ABI3BP: variants seen among roughly 807,000 people sequenced by gnomAD.
The protein encoded by ABI3BP is ABI family member 3 binding protein, also known as target of Nesh-SH3.
ABI3BP carries 216 observed loss-of-function variants against 268.6 expected under a neutral mutation model. The observed-to-expected ratio is 0.80, with a 90% CI of 0.72 to 0.90. The LOEUF (loss-of-function observed/expected upper bound fraction) is 0.90, where lower values mean the gene tolerates loss of function less well. ABI3BP is among the 40% of genes least tolerant of loss of function. ABI3BP has a pLI of 0.00. For synonymous variants in ABI3BP, 730 were observed against 730.0 expected (o/e 1.00, Z 0.00); for missense variants, 2,090 against 2,182.4 (o/e 0.96, Z 0.84).
At chr3:100,928,769 T>A (rs541703825) in intron 1 of ABI3BP, among the ~76,000 whole-genome samples, 10 of 152,092 alleles carry the variant, frequency 6.6e-5, no homozygotes, top group African/African-American at 1.7e-4. Flanking sequence ...ACGTTAAAAG[T>A]GGGTCAAAAC....
Position 100,864,875 on chromosome 3 carries a change from G to T in ABI3BP, c.1021C>A (p.Pro341Thr). Reference protein sequence around the residue: ...TPETVPRSTKPTTSSALDVSE... With the variant: ...TPETVPRSTKTTTSSALDVSE... ...ACATCTAATGCACTAGACGTAGTGGGTTTAGTGCTTCTTGGAACTGTTTCA... is the reference window on the plus strand; with the variant it reads ...ACATCTAATGCACTAGACGTAGTGGTTTTAGTGCTTCTTGGAACTGTTTCA... Residue 341 changes from proline to threonine, a missense_variant, in exon 11 of 68, where the codon CCC becomes ACC. Pro to Thr is a conservative substitution (Grantham distance 38, BLOSUM62 -1). Transcript: ENST00000471714. 2 of 1,608,886 alleles carry T rather than the reference G, an allele frequency of 1.2e-6. No individual in the cohort carries two copies. The highest frequency in any genetic ancestry group is 8.5e-7 in the Non-Finnish European group (1 of 1,178,384).
At chr3:100,986,072 A>G (rs1576451661) in intron 1 of ABI3BP, among the ~76,000 whole-genome samples, 2 of 152,332 alleles carry the variant, frequency 1.3e-5, no homozygotes, top group South Asian at 4.1e-4. Context: ...ATTCAGCTAC[A>G]TAAGGTTGTG....
At chr3:100,892,266 C>A (rs2045070883) in intron 4 of ABI3BP, among the ~76,000 whole-genome samples, 1 of 152,106 alleles carries the variant, frequency 6.6e-6, no homozygotes. Context: ...TCAAGGTATA[C>A]TCCAGATGTG....
rs76340458 is a variant in ABI3BP, at chr3:100,846,434, G to A, written c.1661C>T (p.Thr554Ile). 2.0e-3 allele frequency: 3,260 copies of A among 1,592,228 alleles called. 49 individuals carry two copies. The African/African-American group carries it at 0.038, about 19-fold the overall frequency. Residue 554 changes from threonine to isoleucine, a missense_variant, in exon 20 of 68, where the codon ACA (threonine) becomes ATA (isoleucine). Physicochemically the swap from Thr to Ile is moderately conservative, Grantham distance 89 (BLOSUM62 -1). Coordinates refer to ENST00000471714, the MANE Select transcript of ABI3BP (RefSeq NM_001375547.2). ...TTTAGGTTTCAGAGAAATAAATTGT[G>A]TTTTACCGGGAGCTGGAAAAATAAA... is the stretch of plus-strand genomic sequence containing the variant. ...PTWTTPAPGK[T>I]QFISLKPKIP...
At chr3:100,855,965 A>G (rs547061669) in intron 14 of ABI3BP, among the ~76,000 whole-genome samples, 25 of 152,380 alleles carry the variant, frequency 1.6e-4, no homozygotes, top group Admixed American at 8.5e-4. Flanking sequence ...TAAAATGTTC[A>G]TGAAATAAAA....
At chr3:100,872,849 T>G (rs760733058) in intron 9 of ABI3BP, among the ~76,000 whole-genome samples, 10 of 152,144 alleles carry the variant, frequency 6.6e-5, no homozygotes, top group Non-Finnish European at 1.3e-4. Context: ...GTCACTTGAC[T>G]ATTTTCTGGG....
intron 1 of ABI3BP, among the ~76,000 whole-genome samples, chr3:100,962,450 T>A (rs1364194433): frequency 6.6e-6 from 1 of 152,200 alleles, no homozygotes; most frequent in Non-Finnish European, 1.5e-5. Context: ...ATCTCGCTTA[T>A]CTTAAAAAAC....
intron 12 of ABI3BP, chr3:100,863,150 A>G (rs2099015628): frequency 2.4e-6 from 1 of 424,900 alleles, no homozygotes; most frequent in South Asian, 3.9e-5. Context: ...TTCCACCCTT[A>G]TTAAACCAGT....
intron 37 of ABI3BP, 95 bp downstream of exon 37, chr3:100,823,363 A>G (rs1037695846): frequency 7.2e-6 from 8 of 1,108,138 alleles, no homozygotes; most frequent in Admixed American, 5.5e-5. Context: ...TTGAATGGCC[A>G]TCAAGAATGA....
chr3:100,849,237 T>A (rs1224140662), intron 17 of ABI3BP, among the ~76,000 whole-genome samples: 5 of 150,230 alleles, frequency 3.3e-5, no homozygotes, highest in African/African-American at 1.2e-4. Flanking sequence ...TTTTTTTTTT[T>A]TTTTTTGGAG....
intron 3 of ABI3BP, among the ~76,000 whole-genome samples, chr3:100,900,503 C>A (rs2049796344): frequency 6.6e-6 from 1 of 152,150 alleles, no homozygotes; most frequent in African/African-American, 2.4e-5. Flanking sequence ...ATATCACTGT[C>A]TTGGCTCTCT....
chr3:100,864,294 A>G (rs2099028580), intron 11 of ABI3BP: 2 of 546,948 alleles, frequency 3.7e-6, no homozygotes, highest in Non-Finnish European at 6.5e-6. Context: ...ATCAACATCA[A>G]ATTACAGAAC....
At chr3:100,774,784 C>T (rs1234407954) in intron 60 of ABI3BP, 111 bp from the exon 61 acceptor site, 18 of 870,768 alleles carry the variant, frequency 2.1e-5, no homozygotes, top group Non-Finnish European at 2.7e-5. Context: ...AAACTGCTTG[C>T]AGTTTTGATT....
chr3:100,868,012 CTATTCAGT>C (rs1416577762), intron 9 of ABI3BP, among the ~76,000 whole-genome samples: 1 of 152,114 alleles, frequency 6.6e-6, no homozygotes, highest in Non-Finnish European at 1.5e-5. Flanking sequence ...AGGATTAATT[CTATTCAGT>C]TATTTTCTGT....
At chr3:100,941,373 C>T (rs1045725712) in intron 1 of ABI3BP, among the ~76,000 whole-genome samples, 5 of 152,170 alleles carry the variant, frequency 3.3e-5, no homozygotes, top group Admixed American at 1.3e-4. Flanking sequence ...ACCCATAGAT[C>T]CATAATTCCT....
At chr3:100,766,358 A>G (rs934236966) in intron 62 of ABI3BP, among the ~76,000 whole-genome samples, 9 of 152,200 alleles carry the variant, frequency 5.9e-5, no homozygotes, top group Non-Finnish European at 1.2e-4. Context: ...TCTCTGCTCT[A>G]TGGGCTTTAG....
intron 57 of ABI3BP, among the ~76,000 whole-genome samples, chr3:100,784,825 A>G (rs1189354772): frequency 6.6e-6 from 1 of 152,172 alleles, no homozygotes; most frequent in Non-Finnish European, 1.5e-5. Context: ...AGTGGGAGGT[A>G]AGCTGTAAGT....
chr3:100,792,002 G>C (rs947791879), intron 55 of ABI3BP, among the ~76,000 whole-genome samples: 5 of 151,744 alleles, frequency 3.3e-5, no homozygotes, highest in Non-Finnish European at 7.4e-5. Flanking sequence ...CCATCTGATA[G>C]AGGCAGAGAT....
intron 57 of ABI3BP, among the ~76,000 whole-genome samples, chr3:100,785,112 C>A (rs938976695): frequency 6.6e-6 from 1 of 152,094 alleles, no homozygotes; most frequent in Non-Finnish European, 1.5e-5. Flanking sequence ...ACAAACACTT[C>A]CTTTATTAAC....
Sources: allele counts gnomAD v4.1 joint callset (sites outside exome capture counted in the v4.1 genomes callset), GRCh38; gene constraint gnomAD v4.1.1; transcripts MANE v1.5; gene names NCBI Gene and HGNC (gene_info 2026-07-23, HGNC 2026-07-21).